The following NDUFV2 variants were observed in gnomAD, a reference collection of about 807,000 sequenced individuals.
NDUFV2 encodes NADH:ubiquinone oxidoreductase core subunit V2.
In NDUFV2, 18 loss-of-function variants were observed where a neutral mutation model predicts 31.6. The observed-to-expected ratio is 0.57, with a 90% CI of 0.39 to 0.84. NDUFV2 has a LOEUF of 0.84. Among genes scored for constraint, NDUFV2 ranks in the 40% least tolerant of loss-of-function variants. NDUFV2 has a pLI of 0.00. For missense variants in NDUFV2, 314 were observed against 303.6 expected (o/e 1.03, Z -0.26); for synonymous variants, 83 against 99.8 (o/e 0.83, Z 1.01).
At chr18:9,132,305 C>T (rs1357225795) in intron 7 of NDUFV2, 11 of 152,052 alleles carry the variant, frequency 7.2e-5, no homozygotes, top group African/African-American at 7.2e-5. Flanking sequence ...TAAACAGTGT[C>T]GATATTAAGG....
chr18:9,132,371 T>C (rs2078047508), intron 7 of NDUFV2: 1 of 152,204 alleles, frequency 6.6e-6, no homozygotes, highest in Non-Finnish European at 1.5e-5. Context: ...GGCTTTAAGA[T>C]AACAAATGCT....
rs1265776641 is a variant in NDUFV2, at chr18:9,119,554, G to C, written c.264G>C (p.Arg88Ser). ...TTCCAGTCCTGGATTTAGCCCAAAGGCAGAATGGGTGGTTGCCCATCTCTG... is the reference window on the plus strand; with the variant it reads ...TTCCAGTCCTGGATTTAGCCCAAAGCCAGAATGGGTGGTTGCCCATCTCTG... ...AVLPVLDLAQ[R>S]QNGWLPISAM... The change falls in exon 4 of 8, where the codon AGG becomes AGC. Residue 88 changes from arginine (R) to serine (S), a missense_variant. By Grantham distance (110) the Arg-to-Ser change is moderately radical (BLOSUM62 -1). Coordinates refer to ENST00000318388, the MANE Select transcript of NDUFV2 (RefSeq NM_021074.5). 2 of 1,613,686 alleles carry C rather than the reference G, an allele frequency of 1.2e-6. No homozygotes were observed. Among genetic ancestry groups the C allele is most frequent in the African/African-American group, 1.3e-5 (1 of 74,922 alleles).
chr18:9,111,086 C>T lies in NDUFV2; in HGVS notation c.55-6752C>T, dbSNP rs183090775. On this transcript the variant is annotated intron_variant, in intron 1 of 7. Transcript: ENST00000318388. ...GAGGCCTGATTTTCTTCCTTAAACT[C>T]CTTGGTTTCTTAGACCTACTATGTT... Among the ~76,000 whole-genome samples the T allele has an allele frequency of 6.0e-3, 913 of 152,248 alleles. 15 individuals are homozygous for T. Among genetic ancestry groups the T allele is most frequent in the Non-Finnish European group, 9.4e-3 (637 of 68,026 alleles).
chr18:9,131,418 A>G (rs986474816), intron 7 of NDUFV2, among the ~76,000 whole-genome samples: 1 of 152,200 alleles, frequency 6.6e-6, no homozygotes, highest in Non-Finnish European at 1.5e-5. Flanking sequence ...GTACTGAAAA[A>G]TTCTAAACTT....
rs2077891128 is a variant in NDUFV2 at position 9,115,053 on chromosome 18, G to A, written c.55-2785G>A. On this transcript the variant is annotated intron_variant, in intron 1 of 7. Transcript: ENST00000318388. The stretch of plus-strand genomic sequence containing the variant: ...TTTAATTTGATATACAAGGAGGTTA[G>A]AAGGAGAAATAGGTTTTACAATAGA... Among the ~76,000 whole-genome samples, 5 of 152,272 alleles carry A rather than the reference G, an allele frequency of 3.3e-5. No individual in the cohort carries two copies. The South Asian group carries it at 1.0e-3, about 32-fold the overall frequency.
intron 1 of NDUFV2, chr18:9,104,880 T>C (rs2077833815): frequency 1.4e-6 from 2 of 1,459,374 alleles, no homozygotes; most frequent in African/African-American, 1.4e-5. Flanking sequence ...AAAATAAAAA[T>C]CATCCATTGT....
intron 4 of NDUFV2, among the ~76,000 whole-genome samples, chr18:9,121,839 G>A (rs772546192): frequency 1.3e-5 from 2 of 152,156 alleles, no homozygotes; most frequent in Non-Finnish European, 2.9e-5. Flanking sequence ...ATGTCTTGAC[G>A]TGAAGGGTTA....
chr18:9,113,305 T>C (rs943509558), intron 1 of NDUFV2, among the ~76,000 whole-genome samples: 8 of 152,250 alleles, frequency 5.3e-5, no homozygotes, highest in African/African-American at 1.9e-4. Context: ...TCTTTTATGA[T>C]GTCTCTGTTG....
intron 1 of NDUFV2, among the ~76,000 whole-genome samples, chr18:9,116,400 A>G (rs2077898201): frequency 6.6e-6 from 1 of 152,208 alleles, no homozygotes; most frequent in Non-Finnish European, 1.5e-5. Context: ...AATTTAGTTA[A>G]GTAACTCACT....
intron 1 of NDUFV2, chr18:9,103,560 T>G (rs1286032061): frequency 6.3e-6 from 1 of 159,868 alleles, no homozygotes; most frequent in Non-Finnish European, 1.4e-5. Flanking sequence ...GAAAGAAGCC[T>G]TAGTTTTGTT....
rs749790803 is a variant in NDUFV2 at position 9,122,531 on chromosome 18, G to A, written c.319G>A (p.Val107Ile). 1.3e-5 allele frequency: 21 copies of A among 1,613,570 alleles called. No homozygotes were observed. The highest frequency in any genetic ancestry group is 1.7e-5 in the Non-Finnish European group (20 of 1,179,604). The part of the protein sequence containing the change: ...AMNKVAEVLQ[V>I]PPMRVYEVAT... ...ATTTTAGGTTGCAGAAGTTTTACAA[G>A]TACCTCCAATGAGAGTATATGAAGT... Residue 107 changes from valine to isoleucine, a missense_variant, in exon 5 of 8, where the codon GTA (valine) becomes ATA (isoleucine). Physicochemically the swap from Val to Ile is conservative, Grantham distance 29. Coordinates refer to ENST00000318388, the MANE Select transcript of NDUFV2 (RefSeq NM_021074.5).
intron 1 of NDUFV2, among the ~76,000 whole-genome samples, chr18:9,110,923 GT>G (rs1162076667): frequency 6.6e-6 from 1 of 152,090 alleles, no homozygotes; most frequent in East Asian, 1.9e-4. Flanking sequence ...ATACGTTCAG[GT>G]TTTTTGCAGG....
chr18:9,121,617 A>G (rs2077936437), intron 4 of NDUFV2, among the ~76,000 whole-genome samples: 1 of 152,204 alleles, frequency 6.6e-6, no homozygotes, highest in Admixed American at 6.5e-5. Context: ...ATATATCTAT[A>G]ATTTTTAAGA....
chr18:9,122,400 T>C (rs2077945197), intron 4 of NDUFV2, 113 bp from the exon 5 acceptor site: 1 of 993,662 alleles, frequency 1.0e-6, no homozygotes, highest in Non-Finnish European at 1.5e-6. Context: ...CTTGAAGAAC[T>C]TTTCTGTTTT....
rs1325824057 is a variant in NDUFV2 at position 9,111,517 on chromosome 18, A to ACC, written c.55-6321_55-6320insCC. Among the ~76,000 whole-genome samples, 559 of 149,602 alleles carry ACC rather than the reference A, an allele frequency of 3.7e-3. 6 individuals are homozygous for ACC. Among genetic ancestry groups the ACC allele is most frequent in the African/African-American group, 0.013 (528 of 40,036 alleles). The stretch of plus-strand genomic sequence containing the variant: ...GAGCTGGGCTCACTGCAACCTCTGC[A>ACC]TCCTGAGTTCAAGCGATTCTCCTGC... On this transcript the variant is annotated intron_variant, in intron 1 of 7. Coordinates refer to ENST00000318388, the MANE Select transcript of NDUFV2 (RefSeq NM_021074.5).
At chr18:9,106,195 C>G (rs1051811088) in intron 1 of NDUFV2, among the ~76,000 whole-genome samples, 1 of 152,206 alleles carries the variant, frequency 6.6e-6, no homozygotes. Flanking sequence ...CTCCCTCCCC[C>G]TTTCTGGCTC....
chr18:9,118,379 A>T (rs2077909797), intron 2 of NDUFV2, among the ~76,000 whole-genome samples: 1 of 152,144 alleles, frequency 6.6e-6, no homozygotes, highest in Admixed American at 6.5e-5. Context: ...TTTGGAAAGG[A>T]TAAGATATTA....
At chr18:9,108,411 G>A (rs2077852282) in intron 1 of NDUFV2, among the ~76,000 whole-genome samples, 1 of 152,114 alleles carries the variant, frequency 6.6e-6, no homozygotes, top group Non-Finnish European at 1.5e-5. Context: ...ATCTGTATGT[G>A]GCATTTCATT....
At chr18:9,110,478 C>T (rs564634500) in intron 1 of NDUFV2, among the ~76,000 whole-genome samples, 1 of 151,970 alleles carries the variant, frequency 6.6e-6, no homozygotes, top group African/African-American at 2.4e-5. Context: ...TTTATCTTCA[C>T]TATTTAGTTT....
Sources: gnomAD v4.1 joint callset for allele counts (sites outside exome capture counted in the v4.1 genomes callset) on GRCh38, gnomAD v4.1.1 for gene constraint, MANE v1.5 for transcripts, NCBI Gene and HGNC (gene_info 2026-07-23, HGNC 2026-07-21) for gene names.